The following TMTC1 variants were observed in gnomAD, a reference collection of about 807,000 sequenced individuals.
The protein encoded by TMTC1 is transmembrane O-mannosyltransferase targeting cadherins 1, also known as protein O-mannosyl-transferase TMTC1.
A neutral mutation model predicts 104.8 loss-of-function variants in TMTC1; 73 were observed. The ratio of observed to expected loss-of-function variants is 0.70; its 90% CI spans 0.58 to 0.85. The LOEUF (loss-of-function observed/expected upper bound fraction) is 0.85. TMTC1 is among the 40% of genes least tolerant of loss of function. TMTC1 has a pLI of 0.00. For missense variants in TMTC1, 1,035 were observed against 1,096.1 expected, an observed-to-expected ratio of 0.94 and a Z score of 0.79; for synonymous variants, 434 against 428.7, an observed-to-expected ratio of 1.01 and a Z score of -0.15.
intron 1 of TMTC1, among the ~76,000 whole-genome samples, chr12:29,774,169 C>T (rs1943656345): frequency 6.6e-6 from 1 of 152,100 alleles, no homozygotes; most frequent in South Asian, 2.1e-4. Context: ...CCCATGAGTC[C>T]CAGTGGTTCT....
intron 8 of TMTC1, among the ~76,000 whole-genome samples, chr12:29,581,590 G>A (rs1945983226): frequency 6.6e-6 from 1 of 151,722 alleles, no homozygotes; most frequent in Admixed American, 6.6e-5. Flanking sequence ...TTTGGCATCA[G>A]CTGTAAAGGG....
intron 5 of TMTC1, among the ~76,000 whole-genome samples, chr12:29,738,812 A>G (rs866775370): frequency 6.6e-6 from 1 of 152,208 alleles, no homozygotes; most frequent in South Asian, 2.1e-4. Context: ...ACATGTATGG[A>G]TACATGACAC....
intron 5 of TMTC1, among the ~76,000 whole-genome samples, chr12:29,705,841 G>A (rs1442242158): frequency 1.3e-5 from 2 of 151,942 alleles, no homozygotes; most frequent in African/African-American, 4.8e-5. Flanking sequence ...GGTCTAGCCT[G>A]CCCTAAAGAC....
intron 5 of TMTC1, among the ~76,000 whole-genome samples, chr12:29,737,024 C>T (rs986485491): frequency 3.3e-5 from 5 of 152,228 alleles, no homozygotes; most frequent in Admixed American, 6.5e-5. Flanking sequence ...TTCACTGCTG[C>T]GTCAGAGAGC....
intron 4 of TMTC1, 74 bp from the exon 5 acceptor site, chr12:29,751,946 C>G: frequency 3.7e-6 from 5 of 1,360,448 alleles, no homozygotes; most frequent in South Asian, 1.5e-5. Flanking sequence ...TAGCAGTAAA[C>G]TGCCCCACCC....
intron 5 of TMTC1, among the ~76,000 whole-genome samples, chr12:29,645,844 C>T (rs1162182473): frequency 6.6e-6 from 1 of 152,184 alleles, no homozygotes; most frequent in African/African-American, 2.4e-5. Context: ...AAAAATACTA[C>T]TAGCATGTAG....
chr12:29,688,736 G>C lies in TMTC1; in HGVS notation c.939-55400C>G, dbSNP rs965863961. Among the ~76,000 whole-genome samples, 14 of 152,136 alleles carry C rather than the reference G, an allele frequency of 9.2e-5. 1 individual carries two copies. The highest frequency in any genetic ancestry group is 3.1e-4 in the African/African-American group (13 of 41,428). ...AGGTTAGGGGTGTACCCATTTCATA[G>C]AGCAGAAAACTAAGACTCAATAACT... On this transcript the variant is annotated intron_variant, in intron 5 of 17. Transcript: ENST00000539277.
chr12:29,624,103 CTGAG>C (rs1379923249), intron 6 of TMTC1, among the ~76,000 whole-genome samples: 1 of 152,018 alleles, frequency 6.6e-6, no homozygotes, highest in Non-Finnish European at 1.5e-5. Context: ...CCTCAGCCTC[CTGAG>C]TATCTGGGAT....
chr12:29,623,727 C>T (rs920523918), intron 6 of TMTC1, among the ~76,000 whole-genome samples: 12 of 152,190 alleles, frequency 7.9e-5, no homozygotes, highest in East Asian at 5.8e-4. Context: ...ACAGGAGAAT[C>T]GCTTGAACCC....
At chr12:29,751,642 G>A in intron 5 of TMTC1, 24 bp downstream of exon 5, 1 of 1,613,426 alleles carries the variant, frequency 6.2e-7, no homozygotes, top group Non-Finnish European at 8.5e-7. Flanking sequence ...AAACATGCAG[G>A]GACCAAGAAA....
intron 7 of TMTC1, among the ~76,000 whole-genome samples, chr12:29,595,371 C>A (rs1946380182): frequency 6.6e-6 from 1 of 152,238 alleles, no homozygotes; most frequent in African/African-American, 2.4e-5. Flanking sequence ...TCACTTCATT[C>A]TAGCCATTGC....
chr12:29,747,786 G>T (rs1027115238), intron 5 of TMTC1, among the ~76,000 whole-genome samples: 1 of 152,124 alleles, frequency 6.6e-6, no homozygotes, highest in Non-Finnish European at 1.5e-5. Flanking sequence ...CCAATTACAT[G>T]CTTATACATG....
At chr12:29,716,859 C>G (rs973236200) in intron 5 of TMTC1, among the ~76,000 whole-genome samples, 1 of 151,996 alleles carries the variant, frequency 6.6e-6, no homozygotes, top group African/African-American at 2.4e-5. Context: ...ACTAAAAATA[C>G]AAAAACTTAG....
chr12:29,583,258 C>A, intron 8 of TMTC1, 149 bp downstream of exon 8: 1 of 679,026 alleles, frequency 1.5e-6, no homozygotes, highest in Admixed American at 3.5e-5. Context: ...TAAAACCCCA[C>A]ATAAAATTAC....
rs187074972 is a variant in TMTC1, at chr12:29,602,124, G to A, written c.1250+2054C>T. ...GCTGAGATTACAGGCTTGAGCCACCGCGCCTGGCATCTCATGTTTTTAAAT... is the reference window on the plus strand; with the variant it reads ...GCTGAGATTACAGGCTTGAGCCACCACGCCTGGCATCTCATGTTTTTAAAT... On this transcript the variant is annotated intron_variant, in intron 7 of 17. Coordinates refer to ENST00000539277, the MANE Select transcript of TMTC1 (RefSeq NM_001193451.2). Among the ~76,000 whole-genome samples, 72 of 151,686 alleles carry A rather than the reference G, an allele frequency of 4.7e-4. No homozygotes were observed. In the East Asian group the frequency reaches 7.6e-3, roughly 16 times the overall value.
In TMTC1 at chr12:29,683,088, T is replaced by C. The variant is rs74078958; in HGVS notation, c.939-49752A>G. Among the ~76,000 whole-genome samples the C allele has an allele frequency of 2.8e-3, 434 of 152,326 alleles. 1 individual carries two copies. Among genetic ancestry groups the C allele is most frequent in the African/African-American group, 0.01 (419 of 41,564 alleles). On this transcript the variant is annotated intron_variant, in intron 5 of 17. Transcript: ENST00000539277. ...AGTTCTAAAGCCTGTGTCTTTTCCC[T>C]TGTGCCATGCCACCTCATTACTAAA...
chr12:29,679,426 T>G (rs961352298), intron 5 of TMTC1, among the ~76,000 whole-genome samples: 1 of 152,158 alleles, frequency 6.6e-6, no homozygotes, highest in African/African-American at 2.4e-5. Context: ...GTAAAATTTC[T>G]TACAAATTAA....
intron 5 of TMTC1, among the ~76,000 whole-genome samples, chr12:29,655,983 A>G (rs868705094): frequency 6.6e-6 from 1 of 152,188 alleles, no homozygotes. Context: ...TAAATTCAGT[A>G]AAAGAGAAGA....
rs774506903 is a variant in TMTC1, at chr12:29,586,710, T to C, written c.1251-3136A>G. 1.2e-3 allele frequency among the ~76,000 whole-genome samples: 174 copies of C among 148,324 alleles called. 4 individuals carry two copies. Among genetic ancestry groups the C allele is most frequent in the Non-Finnish European group, 2.2e-3 (149 of 67,422 alleles). The stretch of plus-strand genomic sequence containing the variant: ...GAGATAATCATGTGGTTTTTGTCTT[T>C]GGTTCTGTTTACATGCTGGATTACG... On this transcript the variant is annotated intron_variant, in intron 7 of 17. Transcript: ENST00000539277.
Sources: gnomAD v4.1 joint callset for allele counts (sites outside exome capture counted in the v4.1 genomes callset) on GRCh38, gnomAD v4.1.1 for gene constraint, MANE v1.5 for transcripts, NCBI Gene and HGNC (gene_info 2026-07-23, HGNC 2026-07-21) for gene names.